The following NOS1 variants were observed in gnomAD, a reference collection of about 807,000 sequenced individuals.
NOS1 encodes the protein NOS type I.
NOS1 carries 51 observed loss-of-function variants against 164.5 expected under a neutral mutation model. The observed-to-expected ratio is 0.31, with a 90% CI of 0.25 to 0.39. NOS1 has a LOEUF of 0.39. NOS1 is among the 10% of genes least tolerant of loss of function. NOS1 has a pLI of 1.00. For missense variants in NOS1, 1,362 were observed against 1,885.6 expected, an observed-to-expected ratio of 0.72 and a Z score of 5.14; for synonymous variants, 719 against 745.8, an observed-to-expected ratio of 0.96 and a Z score of 0.59.
chr12:117,249,112 G>A (rs1238949970), intron 17 of NOS1, among the ~76,000 whole-genome samples: 2 of 152,216 alleles, frequency 1.3e-5, no homozygotes, highest in East Asian at 3.9e-4. Context: ...TGTCAGATAA[G>A]TTGTCTGTCA....
Position 117,331,103 on chromosome 12 carries a change from C to T in NOS1, c.-34G>A. On this transcript the variant is annotated 5_prime_UTR_variant, in exon 2 of 29. Coordinates refer to ENST00000317775, the MANE Select transcript of NOS1 (RefSeq NM_000620.5). ...GCTTCCGAGGGGTCCTGTCTGAAGACCTCACAATGCTATCAGGCCAAGATG... is the reference window on the plus strand; with the variant it reads ...GCTTCCGAGGGGTCCTGTCTGAAGATCTCACAATGCTATCAGGCCAAGATG... 7.0e-6 allele frequency: 11 copies of T among 1,576,508 alleles called. No individual in the cohort carries two copies. The highest frequency in any genetic ancestry group is 1.3e-5 in the African/African-American group (1 of 74,366).
rs1956585104 is a variant in NOS1, at chr12:117,215,167, G to T, written c.*142C>A. 7.5e-6 allele frequency: 10 copies of T among 1,330,776 alleles called. No individual in the cohort carries two copies. The highest frequency in any genetic ancestry group is 1.5e-5 in the African/African-American group (1 of 67,006). The allele number at this position is 1,330,776 out of a possible 1,614,324, so 82.4% of individuals were successfully genotyped here. On this transcript the variant is annotated 3_prime_UTR_variant, in exon 29 of 29. Coordinates refer to ENST00000317775, the MANE Select transcript of NOS1 (RefSeq NM_000620.5). ...GGAGGGCCGAGGAAACCACTGAGGG[G>T]CGAGAAGCCCGAGGAGGGAAACCAG... is the stretch of plus-strand genomic sequence containing the variant.
intron 2 of NOS1, among the ~76,000 whole-genome samples, chr12:117,316,985 A>G (rs1016665201): frequency 6.6e-6 from 1 of 152,052 alleles, no homozygotes; most frequent in African/African-American, 2.4e-5. Flanking sequence ...GGTTCAAGCA[A>G]TTCTCCTGCC....
At chr12:117,306,624 CT>C (rs200468759) in intron 3 of NOS1, among the ~76,000 whole-genome samples, 136 of 143,974 alleles carry the variant, frequency 9.4e-4, no homozygotes, top group Middle Eastern at 3.6e-3. Flanking sequence ...ACAACCACTC[CT>C]TTTTTTTTTT....
At chr12:117,222,277 A>G (rs2135927127) in intron 26 of NOS1, among the ~76,000 whole-genome samples, 1 of 152,252 alleles carries the variant, frequency 6.6e-6, no homozygotes, top group South Asian at 2.1e-4. Flanking sequence ...TATTTTTGAG[A>G]TGGAGTCTCA....
intron 5 of NOS1, among the ~76,000 whole-genome samples, chr12:117,287,531 C>T (rs770814412): frequency 1.3e-5 from 2 of 151,996 alleles, no homozygotes; most frequent in Admixed American, 6.5e-5. Context: ...CTCCACCTCC[C>T]GGGTTCAAGC....
chr12:117,353,199 C>G (rs1876708439), intron 1 of NOS1, among the ~76,000 whole-genome samples: 1 of 152,106 alleles, frequency 6.6e-6, no homozygotes, highest in African/African-American at 2.4e-5. Flanking sequence ...ATCTACCTAC[C>G]TATCATCTGT....
At chr12:117,224,940 C>T in intron 25 of NOS1, 76 bp downstream of exon 25, 2 of 1,596,492 alleles carry the variant, frequency 1.3e-6, no homozygotes, top group Non-Finnish European at 1.7e-6. Context: ...TCACTGTTCT[C>T]TAGGGCTGCT....
At chr12:117,259,592 G>A (rs1871722413) in intron 14 of NOS1, among the ~76,000 whole-genome samples, 1 of 152,112 alleles carries the variant, frequency 6.6e-6, no homozygotes, top group African/African-American at 2.4e-5. Context: ...GGCCAAACAA[G>A]TCTGAGATAT....
intron 20 of NOS1, among the ~76,000 whole-genome samples, chr12:117,239,978 G>C (rs1870038399): frequency 6.6e-6 from 1 of 151,732 alleles, no homozygotes; most frequent in Non-Finnish European, 1.5e-5. Flanking sequence ...TGGGGGTGGG[G>C]GCTGATTTTG....
chr12:117,319,606 G>T (rs1229254970), intron 2 of NOS1, among the ~76,000 whole-genome samples: 1 of 152,198 alleles, frequency 6.6e-6, no homozygotes, highest in Non-Finnish European at 1.5e-5. Context: ...TCACAAAGAT[G>T]TAGATTCTGT....
intron 1 of NOS1, among the ~76,000 whole-genome samples, chr12:117,332,086 A>G (rs576838070): frequency 2.8e-4 from 42 of 152,330 alleles, no homozygotes; most frequent in African/African-American, 9.1e-4. Context: ...ATAAATACTA[A>G]GAAGATGGGT....
At chr12:117,298,351 G>C (rs749881644) in intron 3 of NOS1, among the ~76,000 whole-genome samples, 1 of 152,120 alleles carries the variant, frequency 6.6e-6, no homozygotes, top group Non-Finnish European at 1.5e-5. Context: ...GAGCGATGGG[G>C]GCAGCTGTAA....
intron 1 of NOS1, among the ~76,000 whole-genome samples, chr12:117,348,746 G>A (rs1010341950): frequency 1.3e-5 from 2 of 152,142 alleles, no homozygotes; most frequent in Admixed American, 1.3e-4. Flanking sequence ...ACACAAAGTG[G>A]CACTGTAACT....
At chr12:117,309,504 T>C (rs1188144640) in intron 3 of NOS1, 1 of 464,056 alleles carries the variant, frequency 2.2e-6, no homozygotes, top group African/African-American at 2.1e-5. Flanking sequence ...ATGAAGCCGG[T>C]CATCACTTGC....
intron 9 of NOS1, among the ~76,000 whole-genome samples, chr12:117,274,785 A>T (rs2136001498): frequency 6.6e-6 from 1 of 150,978 alleles, no homozygotes; most frequent in Admixed American, 6.6e-5. Context: ...AAAAAAAAAA[A>T]AAAAAAGAAA....
intron 2 of NOS1, among the ~76,000 whole-genome samples, chr12:117,318,690 T>C (rs987766340): frequency 1.3e-5 from 2 of 152,212 alleles, no homozygotes; most frequent in Non-Finnish European, 2.9e-5. Flanking sequence ...TGACCACTTA[T>C]GGACCCCGAG....
chr12:117,218,679 A>T (rs1211270134), intron 27 of NOS1, among the ~76,000 whole-genome samples: 1 of 152,104 alleles, frequency 6.6e-6, no homozygotes, highest in Admixed American at 6.5e-5. Context: ...GAAGATGAGC[A>T]TCTTTGCTCA....
At chr12:117,325,166 C>T (rs1002456896) in intron 2 of NOS1, among the ~76,000 whole-genome samples, 2 of 152,298 alleles carry the variant, frequency 1.3e-5, no homozygotes, top group African/African-American at 4.8e-5. Context: ...TGACTTCACC[C>T]AGCATCCAGG....
Sources: gnomAD v4.1 joint callset for allele counts (sites outside exome capture counted in the v4.1 genomes callset) on GRCh38, gnomAD v4.1.1 for gene constraint, MANE v1.5 for transcripts, NCBI Gene and HGNC (gene_info 2026-07-23, HGNC 2026-07-21) for gene names.